Variants in DCUN1D5 observed in about 807,000 individuals in gnomAD.
DCUN1D5 encodes the protein defective in cullin neddylation 1 domain containing 5, also known as DCN1-like protein 5.
In DCUN1D5, 10 loss-of-function variants were observed where a neutral mutation model predicts 38.3. The observed-to-expected ratio is 0.26, with a 90% CI of 0.16 to 0.44. The LOEUF (loss-of-function observed/expected upper bound fraction) is 0.44. Among genes scored for constraint, DCUN1D5 ranks in the 20% least tolerant of loss-of-function variants. The pLI is 1.00. For missense variants in DCUN1D5, 148 were observed against 275.3 expected (o/e 0.54, Z 3.27); for synonymous variants, 93 against 90.9 (o/e 1.02, Z -0.13).
chr11:103,065,114 G>A lies in DCUN1D5; in HGVS notation c.556-737C>T, dbSNP rs543221343. Among the ~76,000 whole-genome samples, 12 of 150,758 alleles carry A rather than the reference G, an allele frequency of 8.0e-5. No individual in the cohort carries two copies. Among genetic ancestry groups the A allele is most frequent in the East Asian group, 1.9e-4 (1 of 5,164 alleles). On this transcript the variant is annotated intron_variant, in intron 6 of 7. Transcript: ENST00000260247. This position sits in a 1 kb window ranked among gnomAD's most constrained non-coding sequence, Gnocchi z 4.6. ...ATAGGACTTACAGATTGAATCATGC[G>A]TAAAACTCATTCATGTAAGACCTTT...
rs1365182960 is a variant in DCUN1D5 at position 103,083,810 on chromosome 11, C to CA, written c.179-485dup. Among the ~76,000 whole-genome samples the CA allele has an allele frequency of 6.6e-6, 1 of 152,048 alleles. No individual in the cohort carries two copies. Among genetic ancestry groups the CA allele is most frequent in the Non-Finnish European group, 1.5e-5 (1 of 67,956 alleles). ...ATTTATTACCCTTTTGAAATACACT[C>CA]AAATATAATTTAATTATTGAAAAAG... is the stretch of plus-strand genomic sequence containing the variant. On this transcript the variant is annotated intron_variant, in intron 2 of 7. Transcript: ENST00000260247. The surrounding 1 kb of genome is among the most constrained non-coding windows in gnomAD (Gnocchi z 4.4).
At position 103,079,782 on chromosome 11, in the gene DCUN1D5, CAA is replaced by C. The variant is rs199623565; in HGVS notation, c.341+2964_341+2965del. 1.7e-3 allele frequency: 198 copies of C among 119,950 alleles called. 1 individual carries two copies. The highest frequency in any genetic ancestry group is 3.3e-3 in the African/African-American group (113 of 34,646). The allele number at this position is 119,950 out of a possible 1,614,324, so 7.4% of individuals were successfully genotyped here. ...TGGGTAACAGAGCCAGACCCTGTCT[CAA>C]AAAAAAAAAAAAAAATTAACACCTT... On this transcript the variant is annotated intron_variant, in intron 4 of 7. Transcript: ENST00000260247.
intron 4 of DCUN1D5, among the ~76,000 whole-genome samples, chr11:103,076,276 T>C (rs938190730): frequency 6.6e-6 from 1 of 152,218 alleles, no homozygotes; most frequent in African/African-American, 2.4e-5. Flanking sequence ...GGGTAGGTGA[T>C]ATATTTATTT....
chr11:103,074,980 AC>A (rs1862373209), intron 4 of DCUN1D5, among the ~76,000 whole-genome samples: 1 of 152,170 alleles, frequency 6.6e-6, no homozygotes. Context: ...TCCATTACAA[AC>A]AGGGGAGTCT....
At chr11:103,072,183 G>A (rs990661988) in intron 4 of DCUN1D5, among the ~76,000 whole-genome samples, 2 of 151,974 alleles carry the variant, frequency 1.3e-5, no homozygotes, top group Non-Finnish European at 2.9e-5. Context: ...CACTCTTATC[G>A]ACATAGTGGT....
rs1032851630 is a variant in DCUN1D5 at position 103,092,114 on chromosome 11, G to C, written c.-242C>G. On this transcript the variant is annotated 5_prime_UTR_variant, in exon 1 of 8. Transcript: ENST00000260247. ...GGACACTGCGGTTCGTTCTCACCGG[G>C]AGGAGATAACGCGGACAGCGCGGCA... is the stretch of plus-strand genomic sequence containing the variant. 7 of 482,870 alleles carry C rather than the reference G, an allele frequency of 1.4e-5. No individual in the cohort carries two copies. In the South Asian group the frequency reaches 2.0e-4, roughly 14 times the overall value. The allele number at this position is 482,870 out of a possible 1,614,324, so 29.9% of individuals were successfully genotyped here.
chr11:103,068,563 T>C (rs1862192309), intron 4 of DCUN1D5, among the ~76,000 whole-genome samples: 1 of 152,162 alleles, frequency 6.6e-6, no homozygotes, highest in African/African-American at 2.4e-5. Context: ...CTAGAGGTCA[T>C]TATCCTTAGC....
rs1555027533 is a variant in DCUN1D5 at position 103,065,576 on chromosome 11, A to ATT, written c.555+692_555+693insAA. The stretch of plus-strand genomic sequence containing the variant: ...AAGCATCTGTATTCAAGATATGGTG[A>ATT]GAACTATACCAATAACCCTAGAATT... On this transcript the variant is annotated intron_variant, in intron 6 of 7. Coordinates refer to ENST00000260247, the MANE Select transcript of DCUN1D5 (RefSeq NM_032299.4). The surrounding 1 kb of genome is among the most constrained non-coding windows in gnomAD (Gnocchi z 4.6). Among the ~76,000 whole-genome samples, 1 of 152,222 alleles carries ATT rather than the reference A, an allele frequency of 6.6e-6. No individual in the cohort carries two copies. The highest frequency in any genetic ancestry group is 1.5e-5 in the Non-Finnish European group (1 of 68,032).
Position 103,083,020 on chromosome 11 carries a change from A to G in DCUN1D5, c.250-181T>C, listed in dbSNP as rs1005457662. 6.6e-6 allele frequency among the ~76,000 whole-genome samples: 1 copy of G among 152,026 alleles called. No homozygotes were observed. Among genetic ancestry groups the G allele is most frequent in the Non-Finnish European group, 1.5e-5 (1 of 67,882 alleles). On this transcript the variant is annotated intron_variant, in intron 3 of 7. Transcript: ENST00000260247. This position sits in a 1 kb window ranked among gnomAD's most constrained non-coding sequence, Gnocchi z 4.4. ...AGATGTGCCAATTTCTTAAAAGTAA[A>G]AAGTTCTAACAGTTTCTGAAGGTAG...
chr11:103,073,390 T>C lies in DCUN1D5; in HGVS notation c.342-6823A>G, dbSNP rs1862328406. Among the ~76,000 whole-genome samples, 1 of 152,212 alleles carries C rather than the reference T, an allele frequency of 6.6e-6. No homozygotes were observed. The highest frequency in any genetic ancestry group is 6.5e-5 in the Admixed American group (1 of 15,276). On this transcript the variant is annotated intron_variant, in intron 4 of 7. Coordinates refer to ENST00000260247, the MANE Select transcript of DCUN1D5 (RefSeq NM_032299.4). The surrounding 1 kb of genome is among the most constrained non-coding windows in gnomAD (Gnocchi z 4.2). ...CAATTCTCCCCAAATTTATATGCTA[T>C]TTAACCAAAATCTCAGCAAGATATT...
intron 4 of DCUN1D5, among the ~76,000 whole-genome samples, chr11:103,081,231 T>C (rs994710251): frequency 2.0e-5 from 3 of 152,182 alleles, no homozygotes; most frequent in African/African-American, 7.2e-5. Context: ...CAAAAAGCAG[T>C]ATTTAAAGAG....
rs1243155611 is a variant in DCUN1D5 at position 103,087,801 on chromosome 11, T to C, written c.178+1426A>G. On this transcript the variant is annotated intron_variant, in intron 2 of 7. Coordinates refer to ENST00000260247, the MANE Select transcript of DCUN1D5 (RefSeq NM_032299.4). The surrounding 1 kb of genome is among the most constrained non-coding windows in gnomAD (Gnocchi z 4.1). ...CTAATATAGTAAACAAATGTTTAATTAGAATCTTACACTACCTAGGAAAGT... is the reference window on the plus strand; with the variant it reads ...CTAATATAGTAAACAAATGTTTAATCAGAATCTTACACTACCTAGGAAAGT... Among the ~76,000 whole-genome samples the C allele has an allele frequency of 2.6e-5, 4 of 152,216 alleles. No homozygotes were observed. The highest frequency in any genetic ancestry group is 4.8e-5 in the African/African-American group (2 of 41,454).
rs1426226771 is a variant in DCUN1D5, at chr11:103,078,381, GAGA to G, written c.341+4364_341+4366del. ...AACCTCGTATCTATAGACGAAGGAA[GAGA>G]AATTCCATAACCTCCTGAGAGCACA... On this transcript the variant is annotated intron_variant, in intron 4 of 7. Coordinates refer to ENST00000260247, the MANE Select transcript of DCUN1D5 (RefSeq NM_032299.4). The surrounding 1 kb of genome is among the most constrained non-coding windows in gnomAD (Gnocchi z 4.6). Among the ~76,000 whole-genome samples the G allele has an allele frequency of 1.3e-5, 2 of 152,356 alleles. No individual in the cohort carries two copies. Among genetic ancestry groups the G allele is most frequent in the African/African-American group, 4.8e-5 (2 of 41,590 alleles).
rs1023133720 is a variant in DCUN1D5, at chr11:103,065,743, T to G, written c.555+526A>C. On this transcript the variant is annotated intron_variant, in intron 6 of 7. Coordinates refer to ENST00000260247, the MANE Select transcript of DCUN1D5 (RefSeq NM_032299.4). The surrounding 1 kb of genome is among the most constrained non-coding windows in gnomAD (Gnocchi z 4.6). ...AACACGTCATCATTTCAGCTTACAT[T>G]TTTTTAGTAACCAGCATATTTAAGT... Among the ~76,000 whole-genome samples, 2 of 152,176 alleles carry G rather than the reference T, an allele frequency of 1.3e-5. No individual in the cohort carries two copies. The highest frequency in any genetic ancestry group is 2.9e-5 in the Non-Finnish European group (2 of 68,020).
chr11:103,070,472 ATAT>A (rs1376061186), intron 4 of DCUN1D5, among the ~76,000 whole-genome samples: 1 of 152,214 alleles, frequency 6.6e-6, no homozygotes, highest in Non-Finnish European at 1.5e-5. Context: ...GAGGATAATC[ATAT>A]TATAATAAAA....
Position 103,077,157 on chromosome 11 carries a change from G to A in DCUN1D5, c.341+5591C>T, listed in dbSNP as rs1034550802. 1.3e-5 allele frequency among the ~76,000 whole-genome samples: 2 copies of A among 151,976 alleles called. No individual in the cohort carries two copies. Among genetic ancestry groups the A allele is most frequent in the Non-Finnish European group, 1.5e-5 (1 of 68,010 alleles). On this transcript the variant is annotated intron_variant, in intron 4 of 7. Transcript: ENST00000260247. This position sits in a 1 kb window ranked among gnomAD's most constrained non-coding sequence, Gnocchi z 4.3. ...GGAGCTTGCAGTGAGCCGAGATCGC[G>A]CCACTGCACTCCAGCCTGGGAGACT...
Position 103,087,739 on chromosome 11 carries a change from T to C in DCUN1D5, c.178+1488A>G, listed in dbSNP as rs1034393939. On this transcript the variant is annotated intron_variant, in intron 2 of 7. Coordinates refer to ENST00000260247, the MANE Select transcript of DCUN1D5 (RefSeq NM_032299.4). The surrounding 1 kb of genome is among the most constrained non-coding windows in gnomAD (Gnocchi z 4.1). ...AAAATAATATACCTGGGACAATTCC[T>C]GGAATAATGCAATTATTATGTTGGC... Among the ~76,000 whole-genome samples the C allele has an allele frequency of 7.9e-5, 12 of 152,194 alleles. No homozygotes were observed. Among genetic ancestry groups the C allele is most frequent in the African/African-American group, 2.4e-4 (10 of 41,446 alleles).
intron 4 of DCUN1D5, among the ~76,000 whole-genome samples, chr11:103,069,660 T>G (rs1171473800): frequency 6.6e-6 from 1 of 152,130 alleles, no homozygotes; most frequent in Non-Finnish European, 1.5e-5. Flanking sequence ...GGCACTCCTA[T>G]CCCTTTCAGA....
rs1427441413 is a variant in DCUN1D5 at position 103,065,454 on chromosome 11, G to A, written c.555+815C>T. Among the ~76,000 whole-genome samples, 1 of 152,154 alleles carries A rather than the reference G, an allele frequency of 6.6e-6. No individual in the cohort carries two copies. The stretch of plus-strand genomic sequence containing the variant: ...TTACAGGCGTGTGCCACCACGCCCA[G>A]CTGATATCACTGTCTTGTATCACAA... On this transcript the variant is annotated intron_variant, in intron 6 of 7. Transcript: ENST00000260247. This position sits in a 1 kb window ranked among gnomAD's most constrained non-coding sequence, Gnocchi z 4.6.
Sources: allele counts gnomAD v4.1 joint callset (sites outside exome capture counted in the v4.1 genomes callset), GRCh38; gene constraint gnomAD v4.1.1; non-coding constraint Gnocchi (gnomAD v3.1); transcripts MANE v1.5; gene names NCBI Gene and HGNC (gene_info 2026-07-23, HGNC 2026-07-21).